MACO1: variants seen among roughly 807,000 people sequenced by gnomAD.
MACO1 encodes macoilin.
MACO1 carries 14 observed loss-of-function variants against 78.7 expected under a neutral mutation model. That is an observed-to-expected ratio of 0.18 (90% CI 0.12 to 0.28). MACO1 has a LOEUF of 0.28. Ranked by LOEUF, MACO1 falls within the 10% of genes least tolerant of loss-of-function variation. MACO1 has a pLI of 1.00. For synonymous variants in MACO1, 288 were observed against 291.6 expected, an observed-to-expected ratio of 0.99 and a Z score of 0.12; for missense variants, 501 against 799.0, an observed-to-expected ratio of 0.63 and a Z score of 4.50.
At chr1:25,495,635 C>T (rs1203719989) in intron 10 of MACO1, among the ~76,000 whole-genome samples, 1 of 152,104 alleles carries the variant, frequency 6.6e-6, no homozygotes, top group Non-Finnish European at 1.5e-5. Context: ...TTTCTCCTTC[C>T]TACTCTCTAT....
At position 25,499,202 on chromosome 1, in the gene MACO1, CTT is replaced by C. The variant is rs1177580077; in HGVS notation, c.*739_*740del. ...AGAGGAAACTTGATAATTTTAAACT[CTT>C]TTCCCCCTTTACCGTCATCTATCCT... is the stretch of plus-strand genomic sequence containing the variant. On this transcript the variant is annotated 3_prime_UTR_variant, in exon 11 of 11. Transcript: ENST00000374343. 6.6e-6 allele frequency: 1 copy of C among 152,236 alleles called. No homozygotes were observed. The highest frequency in any genetic ancestry group is 1.5e-5 in the Non-Finnish European group (1 of 68,038). 9.4% of individuals were successfully genotyped at this position (152,236 alleles called of 1,614,324 possible).
At chr1:25,481,469 C>G (rs149430914) in intron 6 of MACO1, among the ~76,000 whole-genome samples, 2 of 152,254 alleles carry the variant, frequency 1.3e-5, no homozygotes, top group Non-Finnish European at 2.9e-5. Flanking sequence ...AACCCTGATC[C>G]TAAACTCTGT....
intron 7 of MACO1, 28 bp downstream of exon 7, chr1:25,484,302 G>A (rs1557674892): frequency 4.5e-6 from 7 of 1,553,018 alleles, no homozygotes; most frequent in Admixed American, 2.0e-5. Context: ...GCCTTTGGCC[G>A]TAAGCCCGGC....
chr1:25,447,147 A>G (rs1427045678), intron 2 of MACO1, among the ~76,000 whole-genome samples: 2 of 152,108 alleles, frequency 1.3e-5, no homozygotes, highest in African/African-American at 2.4e-5. Context: ...GAGGGCGGCA[A>G]CCTAGTCTGG....
intron 1 of MACO1, among the ~76,000 whole-genome samples, chr1:25,443,968 T>G (rs1485589665): frequency 1.4e-4 from 22 of 151,964 alleles, no homozygotes; most frequent in African/African-American, 5.3e-4. Flanking sequence ...AGATGGTGTC[T>G]TGGCCAGACA....
chr1:25,449,868 A>C (rs1465235107), intron 3 of MACO1, among the ~76,000 whole-genome samples: 1 of 152,126 alleles, frequency 6.6e-6, no homozygotes, highest in East Asian at 1.9e-4. Flanking sequence ...AAAATACAAA[A>C]ATTAGCTGGG....
intron 6 of MACO1, among the ~76,000 whole-genome samples, chr1:25,476,911 G>C (rs1405754376): frequency 6.6e-6 from 1 of 152,196 alleles, no homozygotes. Flanking sequence ...CACTGACCCT[G>C]TTCCATTGTG....
rs1037753223 is a variant in MACO1, at chr1:25,438,731, C to T, written c.80+7553C>T. On this transcript the variant is annotated intron_variant, in intron 1 of 10. Coordinates refer to ENST00000374343, the MANE Select transcript of MACO1 (RefSeq NM_018202.6). The stretch of plus-strand genomic sequence containing the variant: ...CAGCCTGGCCAACGTGGCGAAACCC[C>T]GTCTCTACTAAAAATATAAAAATTA... 7.0e-4 allele frequency among the ~76,000 whole-genome samples: 107 copies of T among 152,052 alleles called. 1 individual carries two copies. The highest frequency in any genetic ancestry group is 6.9e-3 in the Admixed American group (106 of 15,268).
chr1:25,436,488 G>A (rs2042920160), intron 1 of MACO1, among the ~76,000 whole-genome samples: 1 of 151,944 alleles, frequency 6.6e-6, no homozygotes, highest in South Asian at 2.1e-4. Flanking sequence ...CTAGATTTGG[G>A]CATAATTATT....
chr1:25,465,484 C>G (rs1025644261), intron 6 of MACO1, among the ~76,000 whole-genome samples: 3 of 152,114 alleles, frequency 2.0e-5, no homozygotes. Flanking sequence ...TTTCGGCCAC[C>G]CTAATAGGTG....
intron 6 of MACO1, among the ~76,000 whole-genome samples, chr1:25,478,506 T>G (rs1485552626): frequency 6.6e-6 from 1 of 152,212 alleles, no homozygotes; most frequent in South Asian, 2.1e-4. Flanking sequence ...AGTTAAGGTT[T>G]GGAGTAAGAG....
At chr1:25,445,192 G>T (rs79081614) in intron 1 of MACO1, among the ~76,000 whole-genome samples, 1,947 of 150,602 alleles carry the variant, frequency 0.013, 34 homozygotes, top group African/African-American at 0.044. Flanking sequence ...CCACCTACTT[G>T]GGAAGCTGAG....
chr1:25,447,613 C>A (rs1271767360), intron 2 of MACO1, among the ~76,000 whole-genome samples: 1 of 152,200 alleles, frequency 6.6e-6, no homozygotes, highest in African/African-American at 2.4e-5. Flanking sequence ...ATTCTCATAT[C>A]TGCTTCTGAA....
At chr1:25,456,243 G>A (rs915202753) in intron 4 of MACO1, among the ~76,000 whole-genome samples, 1 of 149,620 alleles carries the variant, frequency 6.7e-6, no homozygotes, top group African/African-American at 2.5e-5. Context: ...GGGCAACAGA[G>A]CGAGACTCCA....
intron 1 of MACO1, among the ~76,000 whole-genome samples, chr1:25,446,222 AT>A (rs1301116343): frequency 1.3e-5 from 2 of 152,074 alleles, no homozygotes; most frequent in Non-Finnish European, 2.9e-5. Flanking sequence ...TGGGGAAGTC[AT>A]TTGGTTTTTG....
At chr1:25,447,469 A>C (rs1179541354) in intron 2 of MACO1, among the ~76,000 whole-genome samples, 1 of 152,252 alleles carries the variant, frequency 6.6e-6, no homozygotes, top group East Asian at 1.9e-4. Context: ...ACATCATAAT[A>C]AGCCCATTAC....
intron 1 of MACO1, among the ~76,000 whole-genome samples, chr1:25,438,064 T>G (rs9438907): frequency 0.073 from 11,111 of 152,206 alleles, 1,314 homozygotes; most frequent in African/African-American, 0.25. Context: ...TTCACGGTTT[T>G]GTAGTATAAC....
In MACO1 at chr1:25,453,660, C is replaced by CAAA. The variant is rs532604219; in HGVS notation, c.350-580_350-578dup. Among the ~76,000 whole-genome samples the CAAA allele has an allele frequency of 5.8e-3, 401 of 68,784 alleles. 1 individual carries two copies. Among genetic ancestry groups the CAAA allele is most frequent in the African/African-American group, 0.017 (335 of 19,740 alleles). 45.1% of individuals were successfully genotyped at this position (68,784 alleles called of 152,430 possible). A position where few individuals can be genotyped will look rare whatever the true frequency, so the allele number is the denominator to read the frequency against. On this transcript the variant is annotated intron_variant, in intron 3 of 10. Coordinates refer to ENST00000374343, the MANE Select transcript of MACO1 (RefSeq NM_018202.6). ...CCTGGGCGACAGAGTGAGACTCCCTCAAAAAAAAAAAAAAAAAAAAAGAAG... is the reference window on the plus strand; with the variant it reads ...CCTGGGCGACAGAGTGAGACTCCCTCAAAAAAAAAAAAAAAAAAAAAAAAGAAG...
intron 1 of MACO1, 150 bp from the exon 2 acceptor site, chr1:25,446,612 A>G (rs1468416989): frequency 2.7e-6 from 2 of 732,958 alleles, no homozygotes; most frequent in Non-Finnish European, 4.1e-6. Flanking sequence ...CAGATGGGCC[A>G]CGGCAGCATC....
Sources: allele counts gnomAD v4.1 joint callset (sites outside exome capture counted in the v4.1 genomes callset), GRCh38; gene constraint gnomAD v4.1.1; transcripts MANE v1.5; gene names NCBI Gene and HGNC (gene_info 2026-07-23, HGNC 2026-07-21).